HECTD4: variants seen among roughly 807,000 people sequenced by gnomAD.
The protein encoded by HECTD4 is probable E3 ubiquitin-protein ligase HECTD4.
HECTD4 carries 114 observed loss-of-function variants against 471.5 expected under a neutral mutation model. The ratio of observed to expected loss-of-function variants is 0.24; its 90% CI spans 0.21 to 0.28. HECTD4 has a LOEUF of 0.28. Among genes scored for constraint, HECTD4 ranks in the 10% least tolerant of loss-of-function variants. HECTD4 has a pLI of 1.00. For missense variants in HECTD4, 3,866 were observed against 5,651.5 expected, an observed-to-expected ratio of 0.68 and a Z score of 10.13; for synonymous variants, 2,012 against 2,256.0, an observed-to-expected ratio of 0.89 and a Z score of 3.07.
At chr12:112,238,714 C>T (rs1259900908) in intron 34 of HECTD4, among the ~76,000 whole-genome samples, 2 of 152,038 alleles carry the variant, frequency 1.3e-5, no homozygotes, top group African/African-American at 2.4e-5. Flanking sequence ...GCCTGGGTGA[C>T]AGACCTTGTG....
intron 32 of HECTD4, 48 bp from the exon 33 acceptor site, chr12:112,240,075 C>T (rs370888575): frequency 8.7e-6 from 14 of 1,601,810 alleles, no homozygotes; most frequent in African/African-American, 1.3e-5. Context: ...ATGTCAAGAA[C>T]AGTGGCTGAG....
At chr12:112,330,110 C>T (rs534161492) in intron 1 of HECTD4, among the ~76,000 whole-genome samples, 155 of 152,164 alleles carry the variant, frequency 1.0e-3, no homozygotes, top group African/African-American at 3.5e-3. Context: ...AACCCCATCT[C>T]TATTAAAAAT....
chr12:112,267,688 C>CA (rs1259570297), intron 13 of HECTD4, among the ~76,000 whole-genome samples: 1 of 151,982 alleles, frequency 6.6e-6, no homozygotes, highest in Non-Finnish European at 1.5e-5. Context: ...TGTGCCTCCC[C>CA]AAAAAAACAC....
At chr12:112,311,246 G>C (rs778251222) in intron 4 of HECTD4, among the ~76,000 whole-genome samples, 4 of 150,796 alleles carry the variant, frequency 2.7e-5, no homozygotes, top group Non-Finnish European at 5.9e-5. Context: ...TAGGCGACAA[G>C]AGCGAAGCTC....
Position 112,193,022 on chromosome 12 carries a change from C to T in HECTD4, c.9086+39G>A, listed in dbSNP as rs369637668. ...TTTCACCAGAATTCATTTAGCTTTC[C>T]TCTCCCCATCACCATCTTCTTGAGA... On this transcript the variant is annotated intron_variant, in intron 58 of 75. Transcript: ENST00000682272. The surrounding 1 kb of genome is among the most constrained non-coding windows in gnomAD (Gnocchi z 5.2). 6.2e-7 allele frequency: 1 copy of T among 1,608,622 alleles called. No individual in the cohort carries two copies. The highest frequency in any genetic ancestry group is 8.5e-7 in the Non-Finnish European group (1 of 1,176,802).
chr12:112,160,771 A>AC lies in HECTD4; in HGVS notation c.*1615dup, dbSNP rs949216602. 4.0e-5 allele frequency: 6 copies of AC among 148,530 alleles called. No homozygotes were observed. The highest frequency in any genetic ancestry group is 4.5e-5 in the Non-Finnish European group (3 of 65,946). 9.2% of individuals were successfully genotyped at this position (148,530 alleles called of 1,614,324 possible). On this transcript the variant is annotated 3_prime_UTR_variant, in exon 76 of 76. Transcript: ENST00000682272. ...TTGTCAGGAATACATCCTGGCTGTG[A>AC]CCCCCCACACTCAAAGGAGCTGTGG...
At chr12:112,314,264 A>G (rs2035435611) in intron 3 of HECTD4, among the ~76,000 whole-genome samples, 193 bp downstream of exon 3, 2 of 152,374 alleles carry the variant, frequency 1.3e-5, no homozygotes, top group East Asian at 1.9e-4. Flanking sequence ...ATAATGAAAA[A>G]TAACATGCTC....
chr12:112,170,862 A>C (rs1022559548), intron 68 of HECTD4: 4 of 500,426 alleles, frequency 8.0e-6, no homozygotes, highest in African/African-American at 7.7e-5. Context: ...ACAGACCTTC[A>C]TATATGATTT....
chr12:112,167,612 C>T (rs2031024064), intron 71 of HECTD4, 74 bp from the exon 72 acceptor site: 1 of 1,255,450 alleles, frequency 8.0e-7, no homozygotes, highest in Admixed American at 2.4e-5. Context: ...TGTTTCAAGC[C>T]ACCATACCCT....
At chr12:112,268,321 G>A (rs756978151) in intron 13 of HECTD4, among the ~76,000 whole-genome samples, 25 of 152,234 alleles carry the variant, frequency 1.6e-4, no homozygotes, top group Middle Eastern at 6.8e-3. Context: ...AAAGAGATTC[G>A]AAGCATAATG....
intron 50 of HECTD4, among the ~76,000 whole-genome samples, chr12:112,208,893 CTTTTTTTTTTTTT>C (rs756330403): frequency 6.9e-5 from 5 of 72,458 alleles, no homozygotes; most frequent in African/African-American, 1.8e-4. Context: ...ACTAAACAGG[CTTTTTTTTTTTTT>C]TTTTTTTTTT....
chr12:112,311,342 A>G (rs114948768), intron 4 of HECTD4, among the ~76,000 whole-genome samples: 10,160 of 151,916 alleles, frequency 0.067, 382 homozygotes, highest in Middle Eastern at 0.17. Flanking sequence ...CGCACCTACA[A>G]TCCTGGCACT....
intron 25 of HECTD4, 52 bp downstream of exon 25, chr12:112,250,092 T>C (rs1243659355): frequency 7.6e-7 from 1 of 1,312,772 alleles, no homozygotes; most frequent in Admixed American, 1.9e-5. Context: ...ATTTCAATTG[T>C]TTAAACTTTT....
Position 112,235,482 on chromosome 12 carries a change from C to T in HECTD4, c.5725+22G>A. 6.3e-7 allele frequency: 1 copy of T among 1,590,058 alleles called. No individual in the cohort carries two copies. The highest frequency in any genetic ancestry group is 8.6e-7 in the Non-Finnish European group (1 of 1,167,824). ...AGGAATGCTGCACTGCCATGCTACTCTCCTGTTGAGGAGCTTCTCACCTGG... is the reference window on the plus strand; with the variant it reads ...AGGAATGCTGCACTGCCATGCTACTTTCCTGTTGAGGAGCTTCTCACCTGG... On this transcript the variant is annotated intron_variant, in intron 36 of 75. Transcript: ENST00000682272. This position sits in a 1 kb window ranked among gnomAD's most constrained non-coding sequence, Gnocchi z 5.0.
rs1368803186 is a variant in HECTD4 at position 112,164,193 on chromosome 12, T to C, written c.12617A>G (p.Asn4206Ser). The C allele has an allele frequency of 4.3e-6, 7 of 1,613,632 alleles. No homozygotes were observed. The highest frequency in any genetic ancestry group is 3.3e-5 in the South Asian group (3 of 91,080). ...GTAGGTGAACCTGCAGCAGGGCTTG[T>C]TGGGGCTGTCAGGGCTCTCCGTGGC... ...HLATESPDSPNKPCCRFTYLT... is the reference protein window; with the variant it reads ...HLATESPDSPSKPCCRFTYLT... Residue 4206 changes from asparagine (N) to serine (S), a missense_variant, in exon 73 of 76, where the codon AAC (asparagine) becomes AGC (serine). By Grantham distance (46) the Asn-to-Ser change is conservative (BLOSUM62 1). Coordinates refer to ENST00000682272, the MANE Select transcript of HECTD4 (RefSeq NM_001388303.1).
Position 112,253,993 on chromosome 12 carries a change from C to G in HECTD4, c.3447+50G>C, listed in dbSNP as rs1025974302. On this transcript the variant is annotated intron_variant, in intron 22 of 75. Transcript: ENST00000682272. ...CAGTTAGTACTTGGACCTGTGAGGACTGCAAGTTCATTTTCTTTTCTAGGA... is the reference window on the plus strand; with the variant it reads ...CAGTTAGTACTTGGACCTGTGAGGAGTGCAAGTTCATTTTCTTTTCTAGGA... 6.9e-6 allele frequency: 11 copies of G among 1,603,192 alleles called. No homozygotes were observed. The African/African-American group carries it at 1.3e-4, about 20-fold the overall frequency.
chr12:112,307,718 A>G (rs958084942), intron 6 of HECTD4, among the ~76,000 whole-genome samples: 1 of 152,248 alleles, frequency 6.6e-6, no homozygotes, highest in Non-Finnish European at 1.5e-5. Flanking sequence ...TTGAGTGACA[A>G]ACAAGAAGAA....
intron 1 of HECTD4, among the ~76,000 whole-genome samples, chr12:112,350,668 C>T (rs992423782): frequency 6.6e-6 from 1 of 152,018 alleles, no homozygotes. Context: ...TTATAGTGTC[C>T]CTCAAGTGAG....
chr12:112,251,605 AAATG>A (rs1248896404), intron 23 of HECTD4, among the ~76,000 whole-genome samples: 1 of 152,232 alleles, frequency 6.6e-6, no homozygotes, highest in African/African-American at 2.4e-5. Context: ...TCAGAGAATG[AAATG>A]AAGATCCCTG....
Sources: gnomAD v4.1 joint callset for allele counts (sites outside exome capture counted in the v4.1 genomes callset) on GRCh38, gnomAD v4.1.1 for gene constraint, Gnocchi (gnomAD v3.1) non-coding constraint, MANE v1.5 for transcripts, NCBI Gene and HGNC (gene_info 2026-07-23, HGNC 2026-07-21) for gene names.